The following WDR24 variants were observed in gnomAD, a reference collection of about 807,000 sequenced individuals.
WDR24 encodes GATOR2 complex protein WDR24.
Under a neutral mutation model 66.7 loss-of-function variants are expected in WDR24, and 32 were observed. That is an observed-to-expected ratio of 0.48 (90% CI 0.36 to 0.64). The LOEUF (loss-of-function observed/expected upper bound fraction) is 0.64. Ranked by LOEUF, WDR24 falls within the 30% of genes least tolerant of loss-of-function variation. The probability of loss-of-function intolerance (pLI) is 0.00; values close to 1 mark genes in which losing one functional copy is unlikely to be tolerated. For missense variants in WDR24, 978 were observed against 1,144.1 expected (o/e 0.85, Z 2.09); for synonymous variants, 565 against 469.1 (o/e 1.20, Z -2.64).
Position 689,201 on chromosome 16 carries a change from C to A in WDR24, c.440G>T (p.Cys147Phe), listed in dbSNP as rs762809307. The A allele has an allele frequency of 1.2e-6, 2 of 1,613,840 alleles. No individual in the cohort carries two copies. Among genetic ancestry groups the A allele is most frequent in the Non-Finnish European group, 1.7e-6 (2 of 1,180,022 alleles). ...LSGSQDGFMK[C>F]FDLRRKDSVS... Reference sequence around the variant, plus strand: ...AGAGTCCTTTCTGCGGAGGTCAAAGCACTTCATGAAGCCATCCTGGGAGCC... The same window carrying A: ...AGAGTCCTTTCTGCGGAGGTCAAAGAACTTCATGAAGCCATCCTGGGAGCC... Residue 147 changes from cysteine (C) to phenylalanine (F), a missense_variant, in exon 1 of 9, where the codon TGC (cysteine) becomes TTC (phenylalanine). Transcript: ENST00000293883.
rs765280212 is a variant in WDR24 at position 689,399 on chromosome 16, A to G, written c.242T>C (p.Val81Ala). Residue 81 changes from valine (V) to alanine (A), a missense_variant, in exon 1 of 9, where the codon GTC (valine) becomes GCC (alanine). By Grantham distance (64) the Val-to-Ala change is moderately conservative (BLOSUM62 0). Coordinates refer to ENST00000293883, the MANE Select transcript of WDR24 (RefSeq NM_032259.4). Reference protein sequence around the residue: ...PSLNLSCADVVWHQMDENLLA... With the variant: ...PSLNLSCADVAWHQMDENLLA... Reference sequence around the variant, plus strand: ...CAGGTTCTCATCCATCTGGTGCCAGACCACGTCAGCACAGCTCAGGTTAAG... The same window carrying G: ...CAGGTTCTCATCCATCTGGTGCCAGGCCACGTCAGCACAGCTCAGGTTAAG... 2 of 1,613,654 alleles carry G rather than the reference A, an allele frequency of 1.2e-6. No individual in the cohort carries two copies. The highest frequency in any genetic ancestry group is 4.5e-5 in the East Asian group (2 of 44,882).
chr16:689,401 C>T lies in WDR24; in HGVS notation c.240G>A (p.Val80=). Residue 80 remains valine (V), a synonymous_variant, in exon 1 of 9, where the codon GTG becomes GTA. Transcript: ENST00000293883. The part of the protein sequence containing the change: ...KPSLNLSCAD[V]VWHQMDENLL... ...GGTTCTCATCCATCTGGTGCCAGACCACGTCAGCACAGCTCAGGTTAAGCG... is the reference window on the plus strand; with the variant it reads ...GGTTCTCATCCATCTGGTGCCAGACTACGTCAGCACAGCTCAGGTTAAGCG... The T allele has an allele frequency of 6.2e-7, 1 of 1,613,676 alleles. No individual in the cohort carries two copies. The highest frequency in any genetic ancestry group is 8.5e-7 in the Non-Finnish European group (1 of 1,180,024).
chr16:685,946 C>G lies in WDR24; in HGVS notation c.1496G>C (p.Arg499Pro). 1 of 1,613,158 alleles carries G rather than the reference C, an allele frequency of 6.2e-7. No individual in the cohort carries two copies. The highest frequency in any genetic ancestry group is 8.5e-7 in the Non-Finnish European group (1 of 1,179,992). The change falls in exon 5 of 9, where the codon CGG becomes CCG. Residue 499 changes from arginine to proline, a missense_variant. Around this residue, in one of 2 missense-constraint regions of WDR24, gnomAD observed 676 missense variants for 617.5 expected, o/e 1.09. Transcript: ENST00000293883. ...DMAPGLGSET[R>P]LDRSKGDARS... ...TGCATCTCCTTTGCTGCGGTCCAGC[C>G]GCGTCTCACTGCCCAACCCTGGGGC...
Position 684,763 on chromosome 16 carries a change from C to T in WDR24, c.2344G>A (p.Gly782Ser), listed in dbSNP as rs1485285318. The change falls in exon 9 of 9, where the codon GGC becomes AGC. Residue 782 changes from glycine (G) to serine (S), a missense_variant. Physicochemically the swap from Gly to Ser is moderately conservative, Grantham distance 56. Coordinates refer to ENST00000293883, the MANE Select transcript of WDR24 (RefSeq NM_032259.4). ...GAGTACTCGCAGAGGTGGCCGCAGC[C>T]TGCGGGACAGTGGGAGCTGCCTTCC... ...WLEGSSHCPA[G>S]CGHLCEYS is the part of the protein sequence containing the mutation. 6.2e-7 allele frequency: 1 copy of T among 1,600,896 alleles called. No individual in the cohort carries two copies. The highest frequency in any genetic ancestry group is 8.5e-7 in the Non-Finnish European group (1 of 1,175,366).
chr16:685,630 C>G lies in WDR24; in HGVS notation c.1679-33G>C, dbSNP rs201361238. The G allele has an allele frequency of 5.7e-5, 91 of 1,610,158 alleles. No homozygotes were observed. In the African/African-American group the frequency reaches 1.2e-3, roughly 21 times the overall value. The stretch of plus-strand genomic sequence containing the variant: ...GCAGGGACCAGCGGAGGCTCTGAGT[C>G]TGTCCTCCATCCGCCTCTGAACCCC... On this transcript the variant is annotated intron_variant, in intron 6 of 8. Coordinates refer to ENST00000293883, the MANE Select transcript of WDR24 (RefSeq NM_032259.4).
Position 685,955 on chromosome 16 carries a change from C to G in WDR24, c.1487G>C (p.Ser496Thr). ...TTTGCTGCGGTCCAGCCGCGTCTCA[C>G]TGCCCAACCCTGGGGCCATATCCTT... ...NLKDMAPGLG[S>T]ETRLDRSKGD... Residue 496 changes from serine (S) to threonine (T), a missense_variant, in exon 5 of 9, where the codon AGT (serine) becomes ACT (threonine). Physicochemically the swap from Ser to Thr is moderately conservative, Grantham distance 58. This residue lies in a region of WDR24 where 676 missense variants were observed against 617.5 expected (regional missense o/e 1.09). Coordinates refer to ENST00000293883, the MANE Select transcript of WDR24 (RefSeq NM_032259.4). The G allele has an allele frequency of 1.2e-6, 2 of 1,613,148 alleles. No homozygotes were observed. Among genetic ancestry groups the G allele is most frequent in the Non-Finnish European group, 1.7e-6 (2 of 1,179,990 alleles).
Position 689,645 on chromosome 16 carries a change from G to A in WDR24, c.-5C>T. On this transcript the variant is annotated 5_prime_UTR_variant, in exon 1 of 9. Coordinates refer to ENST00000293883, the MANE Select transcript of WDR24 (RefSeq NM_032259.4). ...CACACGGGACATCTTCTCCATGGCT[G>A]CACAGGTGATGAGGTCAGGGGTCAG... 1 of 1,611,176 alleles carries A rather than the reference G, an allele frequency of 6.2e-7. No homozygotes were observed. Among genetic ancestry groups the A allele is most frequent in the Non-Finnish European group, 8.5e-7 (1 of 1,178,794 alleles).
At chr16:686,471 G>A (rs1289583013) in intron 3 of WDR24, among the ~76,000 whole-genome samples, 2 of 152,202 alleles carry the variant, frequency 1.3e-5, no homozygotes, top group African/African-American at 4.8e-5. Context: ...GCTGGTGCCT[G>A]GAGAGCTCCA....
chr16:686,573 A>AGCCCTGGCCC (rs1420370089), intron 3 of WDR24, among the ~76,000 whole-genome samples, 171 bp downstream of exon 3: 1 of 151,768 alleles, frequency 6.6e-6, no homozygotes, highest in East Asian at 1.9e-4. Context: ...CCCACCCTGG[A>AGCCCTGGCCC]GCCCTGGCCC....
chr16:684,736 A>G lies in WDR24; in HGVS notation c.2371T>C (p.Ter791ArgextTer?). The change falls in exon 9 of 9, where the codon TGA (stop) becomes CGA (arginine). Residue 791 changes from the stop codon to arginine, a stop_lost. Transcript: ENST00000293883. Reference protein sequence around the residue: ...AGCGHLCEYS* With the variant: ...AGCGHLCEYSR ...GGGCAAGCCCAGCAGATGCCCCGTC[A>G]GGAGTACTCGCAGAGGTGGCCGCAG... 6.3e-7 allele frequency: 1 copy of G among 1,592,922 alleles called. No homozygotes were observed. Among genetic ancestry groups the G allele is most frequent in the Non-Finnish European group, 8.5e-7 (1 of 1,170,390 alleles).
At chr16:689,012 C>T in intron 1 of WDR24, 148 bp downstream of exon 1, 3 of 1,334,468 alleles carry the variant, frequency 2.2e-6, no homozygotes, top group Non-Finnish European at 2.0e-6. Flanking sequence ...TGCCCCATCC[C>T]TCCCCTGCCG....
chr16:685,114 G>T lies in WDR24; in HGVS notation c.2082C>A (p.Asn694Lys). 6.4e-7 allele frequency: 1 copy of T among 1,557,972 alleles called. No homozygotes were observed. Among genetic ancestry groups the T allele is most frequent in the Non-Finnish European group, 8.7e-7 (1 of 1,151,640 alleles). The change falls in exon 8 of 9, where the codon AAC (asparagine) becomes AAA (lysine). Residue 694 changes from asparagine (N) to lysine (K), a missense_variant. Physicochemically the swap from Asn to Lys is moderately conservative, Grantham distance 94 (BLOSUM62 0). Transcript: ENST00000293883. ...GGCTGGTGCTCAGCTTGACCACCTC[G>T]TTGGACACGTTCCAGAGGCGGAAGC... is the stretch of plus-strand genomic sequence containing the variant. ...LQRFRLWNVS[N>K]EVVKLSTSRA...
Position 685,964 on chromosome 16 carries a change from C to T in WDR24, c.1478G>A (p.Gly493Glu). The T allele has an allele frequency of 6.2e-7, 1 of 1,613,158 alleles. No homozygotes were observed. The highest frequency in any genetic ancestry group is 8.5e-7 in the Non-Finnish European group (1 of 1,180,002). Residue 493 changes from glycine (G) to glutamate (E), a missense_variant, in exon 5 of 9, where the codon GGG (glycine) becomes GAG (glutamate). Gly to Glu is a moderately conservative substitution (Grantham distance 98). This residue lies in a region of WDR24 where 676 missense variants were observed against 617.5 expected (regional missense o/e 1.09). Transcript: ENST00000293883. ...NSFNLKDMAP[G>E]LGSETRLDRS... ...GTCCAGCCGCGTCTCACTGCCCAAC[C>T]CTGGGGCCATATCCTTCAGGTTGAA...
rs567276429 is a variant in WDR24, at chr16:689,959, C to G, written c.-319G>C. The G allele has an allele frequency of 1.4e-5, 8 of 585,356 alleles. No homozygotes were observed. The highest frequency in any genetic ancestry group is 7.6e-5 in the South Asian group (5 of 65,746). The allele number at this position is 585,356 out of a possible 1,614,324, so 36.3% of individuals were successfully genotyped here. A position where few individuals can be genotyped will look rare whatever the true frequency, so the allele number is the denominator to read the frequency against. On this transcript the variant is annotated 5_prime_UTR_variant, in exon 1 of 9. Transcript: ENST00000293883. ...AGACTCTAGCTGGACATTCCCGGCCCAGGCCACCTCTCGGTACCCCCATCA... is the reference window on the plus strand; with the variant it reads ...AGACTCTAGCTGGACATTCCCGGCCGAGGCCACCTCTCGGTACCCCCATCA...
chr16:687,792 C>T (rs919541912), intron 1 of WDR24, 53 bp from the exon 2 acceptor site: 11 of 1,585,404 alleles, frequency 6.9e-6, no homozygotes, highest in Non-Finnish European at 9.4e-6. Flanking sequence ...CCATGAGGTG[C>T]GCCCTCAGAA....
intron 1 of WDR24, 188 bp from the exon 2 acceptor site, chr16:687,927 G>A (rs966199618): frequency 1.3e-5 from 10 of 759,370 alleles, no homozygotes; most frequent in South Asian, 5.9e-5. Context: ...GCCTGGGCCC[G>A]GGAGCAGGAC....
chr16:686,201 T>G lies in WDR24; in HGVS notation c.1333-15A>C, dbSNP rs753597399. 12 of 1,610,776 alleles carry G rather than the reference T, an allele frequency of 7.4e-6. No individual in the cohort carries two copies. The East Asian group carries it at 8.9e-5, about 12-fold the overall frequency. On this transcript the variant is annotated splice_polypyrimidine_tract_variant and intron_variant, in intron 3 of 8. Coordinates refer to ENST00000293883, the MANE Select transcript of WDR24 (RefSeq NM_032259.4). ...GTTTGCGCCACCTAGGGGCGGGCAC[T>G]GGTCACTTGTGGGCGTCCTGGACAC...
In WDR24 at chr16:687,091, G is replaced by C. The variant is rs763110530; in HGVS notation, c.985C>G (p.Arg329Gly). The C allele has an allele frequency of 6.2e-7, 1 of 1,608,954 alleles. No homozygotes were observed. Among genetic ancestry groups the C allele is most frequent in the Non-Finnish European group, 8.5e-7 (1 of 1,179,388 alleles). Residue 329 changes from arginine to glycine, a missense_variant, in exon 3 of 9, where the codon CGC becomes GGC. Transcript: ENST00000293883. ...KDSSLCQHLF[R>G]DASQPVERAN... The stretch of plus-strand genomic sequence containing the variant: ...CGCTCGACGGGCTGGCTGGCGTCGC[G>C]GAACAGGTGCTGGCACAGCGAGCTG...
At position 686,840 on chromosome 16, in the gene WDR24, A is replaced by G; in HGVS notation, c.1236T>C (p.Phe412=). The G allele has an allele frequency of 6.2e-7, 1 of 1,611,882 alleles. No individual in the cohort carries two copies. Among genetic ancestry groups the G allele is most frequent in the Non-Finnish European group, 8.5e-7 (1 of 1,179,860 alleles). ...GCGCATAACGCTCAGCTGTGTCCAC[A>G]AACCAGCGCATGCCGCCGCCACCTG... ...TEPGGGGMRW[F]VDTAERYALA... is the part of the protein sequence containing the mutation. Residue 412 remains phenylalanine, a synonymous_variant, in exon 3 of 9, where the codon TTT becomes TTC. Transcript: ENST00000293883.
Sources: allele counts gnomAD v4.1 joint callset (sites outside exome capture counted in the v4.1 genomes callset), GRCh38; gene constraint gnomAD v4.1.1; regional missense constraint gnomAD v4.1.1; transcripts MANE v1.5; gene names NCBI Gene and HGNC (gene_info 2026-07-23, HGNC 2026-07-21).